Variants in CACNA1E observed in about 807,000 individuals in gnomAD.
The protein encoded by CACNA1E is voltage-dependent R-type calcium channel subunit alpha-1E.
Under a neutral mutation model 259.2 loss-of-function variants are expected in CACNA1E, and 40 were observed. The observed-to-expected ratio is 0.15, with a 90% CI of 0.12 to 0.20. The LOEUF is 0.20. Ranked by LOEUF, CACNA1E falls within the 10% of genes least tolerant of loss-of-function variation. CACNA1E has a pLI of 1.00. For missense variants in CACNA1E, 1,874 were observed against 3,040.1 expected (o/e 0.62, Z 9.02); for synonymous variants, 1,104 against 1,138.5 (o/e 0.97, Z 0.61).
chr1:181,443,198 T>G (rs938034398), intron 2 of CACNA1E, among the ~76,000 whole-genome samples: 1 of 152,218 alleles, frequency 6.6e-6, no homozygotes, highest in Non-Finnish European at 1.5e-5. Context: ...TTTACAGAAC[T>G]AATATAAAAA....
intron 1 of CACNA1E, among the ~76,000 whole-genome samples, chr1:181,383,126 C>T (rs559707262): frequency 1.3e-5 from 2 of 152,298 alleles, no homozygotes; most frequent in African/African-American, 2.4e-5. Flanking sequence ...CCCCCGGGGC[C>T]GCATCTCTCA....
chr1:181,500,185 A>T (rs1443269794), intron 1 of CACNA1E, among the ~76,000 whole-genome samples: 1 of 152,152 alleles, frequency 6.6e-6, no homozygotes, highest in East Asian at 1.9e-4. Flanking sequence ...AGAGTTGTTG[A>T]CCTTGCTTCC....
intron 25 of CACNA1E, among the ~76,000 whole-genome samples, chr1:181,746,924 G>A (rs912535202): frequency 6.6e-6 from 1 of 152,190 alleles, no homozygotes; most frequent in Non-Finnish European, 1.5e-5. Context: ...TTCTTCATCT[G>A]TAAATGGGGA....
chr1:181,330,800 A>C (rs957709762), intron 1 of CACNA1E, among the ~76,000 whole-genome samples: 1 of 152,228 alleles, frequency 6.6e-6, no homozygotes, highest in African/African-American at 2.4e-5. Context: ...GGCTCCATAC[A>C]GTGACTTATT....
At chr1:181,649,008 C>T (rs1658527271) in intron 6 of CACNA1E, among the ~76,000 whole-genome samples, 1 of 152,186 alleles carries the variant, frequency 6.6e-6, no homozygotes, top group South Asian at 2.1e-4. Flanking sequence ...TTTGTAATCA[C>T]AAATAAACAC....
chr1:181,686,259 G>A (rs959720867), intron 7 of CACNA1E, among the ~76,000 whole-genome samples: 16 of 149,400 alleles, frequency 1.1e-4, no homozygotes, highest in Non-Finnish European at 1.8e-4. Context: ...GAGGCTTGGA[G>A]GCCAGTAAGA....
intron 3 of CACNA1E, among the ~76,000 whole-genome samples, chr1:181,571,689 T>C (rs930473465): frequency 6.6e-6 from 1 of 152,240 alleles, no homozygotes; most frequent in Non-Finnish European, 1.5e-5. Flanking sequence ...CCTTTGCTAG[T>C]GTTAGCCTTT....
chr1:181,632,743 C>A (rs1198244237), intron 6 of CACNA1E, among the ~76,000 whole-genome samples: 2 of 152,054 alleles, frequency 1.3e-5, no homozygotes, highest in East Asian at 3.9e-4. Context: ...CCCCCTGGAC[C>A]CATGCAGATT....
chr1:181,375,927 A>C (rs1354894928), intron 1 of CACNA1E, among the ~76,000 whole-genome samples: 1 of 152,178 alleles, frequency 6.6e-6, no homozygotes, highest in Non-Finnish European at 1.5e-5. Flanking sequence ...CAATCTGTTA[A>C]ATTATTTATA....
chr1:181,780,587 G>A (rs1660338482), intron 38 of CACNA1E, among the ~76,000 whole-genome samples: 2 of 152,202 alleles, frequency 1.3e-5, no homozygotes, highest in African/African-American at 2.4e-5. Flanking sequence ...TACTCAGGAG[G>A]CTGGACAGCT....
At chr1:181,775,962 G>T in intron 37 of CACNA1E, 139 bp from the exon 38 acceptor site, 1 of 751,110 alleles carries the variant, frequency 1.3e-6, no homozygotes, top group Non-Finnish European at 2.2e-6. Context: ...GCAGATCCCT[G>T]ACTATTCCCT....
At chr1:181,621,337 TGTG>T (rs1168903922) in intron 6 of CACNA1E, among the ~76,000 whole-genome samples, 5 of 152,144 alleles carry the variant, frequency 3.3e-5, no homozygotes, top group Admixed American at 6.5e-5. Flanking sequence ...TGGGGTGACT[TGTG>T]GTGGGGAAGT....
intron 1 of CACNA1E, among the ~76,000 whole-genome samples, chr1:181,327,730 C>G (rs1467573791): frequency 3.9e-5 from 6 of 152,240 alleles, no homozygotes; most frequent in Non-Finnish European, 5.9e-5. Context: ...CATGATCAGA[C>G]CAGCTGAGTC....
intron 3 of CACNA1E, among the ~76,000 whole-genome samples, chr1:181,562,550 G>A (rs189001158): frequency 9.7e-4 from 147 of 152,290 alleles, no homozygotes; most frequent in Middle Eastern, 6.8e-3. Flanking sequence ...GCAGTTTACA[G>A]TATTTTCATA....
intron 7 of CACNA1E, among the ~76,000 whole-genome samples, chr1:181,678,030 C>T (rs758941043): frequency 6.6e-6 from 1 of 152,122 alleles, no homozygotes; most frequent in Non-Finnish European, 1.5e-5. Context: ...GCAGGATGAC[C>T]ATGCGGGACA....
At chr1:181,543,009 T>C (rs1174111649) in intron 3 of CACNA1E, among the ~76,000 whole-genome samples, 1 of 91,754 alleles carries the variant, frequency 1.1e-5, no homozygotes, top group Non-Finnish European at 2.3e-5. Flanking sequence ...TAGTCCATTG[T>C]TTCCTAAACT....
intron 3 of CACNA1E, among the ~76,000 whole-genome samples, chr1:181,516,343 C>CCA (rs3080529): frequency 0.097 from 13,878 of 143,310 alleles, 665 homozygotes; most frequent in Non-Finnish European, 0.12. Context: ...GTGCCAAAGA[C>CCA]CACACACACA....
intron 2 of CACNA1E, among the ~76,000 whole-genome samples, chr1:181,416,280 G>C (rs1025739725): frequency 6.6e-6 from 1 of 152,244 alleles, no homozygotes; most frequent in African/African-American, 2.4e-5. Flanking sequence ...ATGTCAGCCA[G>C]TTTTTTCTTG....
At chr1:181,401,912 C>CGGGG (rs1422301026) in intron 1 of CACNA1E, among the ~76,000 whole-genome samples, 4,811 of 152,196 alleles carry the variant, frequency 0.032, 245 homozygotes, top group African/African-American at 0.11. Flanking sequence ...CCTTAAATAC[C>CGGGG]GCCTATTTAT....
Sources: gnomAD v4.1 joint callset for allele counts (sites outside exome capture counted in the v4.1 genomes callset) on GRCh38, gnomAD v4.1.1 for gene constraint, MANE v1.5 for transcripts, NCBI Gene and HGNC (gene_info 2026-07-23, HGNC 2026-07-21) for gene names.